SBF2: variants seen among roughly 807,000 people sequenced by gnomAD.
The protein encoded by SBF2 is SET binding factor 2, also known as myotubularin-related protein 13.
In SBF2, 112 loss-of-function variants were observed where a neutral mutation model predicts 225.2. The ratio of observed to expected loss-of-function variants is 0.50; its 90% confidence interval spans 0.43 to 0.58. The LOEUF is 0.58. Among genes scored for constraint, SBF2 ranks in the 20% least tolerant of loss-of-function variants. The probability of loss-of-function intolerance (pLI) is 0.00; values close to 1 mark genes in which losing one functional copy is unlikely to be tolerated. For synonymous variants in SBF2, 763 were observed against 773.3 expected (o/e 0.99, Z 0.22); for missense variants, 1,996 against 2,206.2 (o/e 0.90, Z 1.91).
chr11:9,886,114 A>G (rs888158269), intron 17 of SBF2, among the ~76,000 whole-genome samples: 13 of 152,224 alleles, frequency 8.5e-5, no homozygotes, highest in Non-Finnish European at 1.8e-4. Flanking sequence ...CTACTGTAGA[A>G]TAAATTAGAG....
intron 2 of SBF2, among the ~76,000 whole-genome samples, chr11:10,186,119 A>G (rs13377375): frequency 0.015 from 2,242 of 152,306 alleles, 52 homozygotes; most frequent in African/African-American, 0.049. Context: ...TTAGAAAAAG[A>G]TATTTATATT....
chr11:10,165,328 T>C (rs1272976760), intron 2 of SBF2, among the ~76,000 whole-genome samples: 1 of 152,176 alleles, frequency 6.6e-6, no homozygotes, highest in Non-Finnish European at 1.5e-5. Flanking sequence ...TAATCCAGTG[T>C]GATATGGATT....
intron 16 of SBF2, among the ~76,000 whole-genome samples, chr11:9,900,909 A>T (rs1486792439): frequency 6.6e-6 from 1 of 151,724 alleles, no homozygotes; most frequent in African/African-American, 2.4e-5. Flanking sequence ...GCTAATTTTT[A>T]ATTTTTTTTT....
chr11:9,955,197 G>A (rs1029148432), intron 16 of SBF2, among the ~76,000 whole-genome samples: 1 of 151,892 alleles, frequency 6.6e-6, no homozygotes, highest in African/African-American at 2.4e-5. Flanking sequence ...GGTTTAAAAT[G>A]GAAATCAAAA....
At position 9,858,245 on chromosome 11, in the gene SBF2, G is replaced by A. The variant is rs141368249; in HGVS notation, c.2081C>T (p.Ala694Val). 9.2e-5 allele frequency: 149 copies of A among 1,614,110 alleles called. No individual in the cohort carries two copies. The African/African-American group carries it at 1.7e-3, about 18-fold the overall frequency. ...LYLSAKEDNHAPHLKQKDKLP... is the reference protein window; with the variant it reads ...LYLSAKEDNHVPHLKQKDKLP... ...TCTTACCTTTTGCTTCAGATGCGGGGCATGATTGTCTTCCTTGGCTGAGAG... is the reference window on the plus strand; with the variant it reads ...TCTTACCTTTTGCTTCAGATGCGGGACATGATTGTCTTCCTTGGCTGAGAG... The change falls in exon 18 of 40, where the codon GCC (alanine) becomes GTC (valine). Residue 694 changes from alanine to valine, a missense_variant. Physicochemically the swap from Ala to Val is moderately conservative, Grantham distance 64. Transcript: ENST00000256190.
intron 12 of SBF2, among the ~76,000 whole-genome samples, chr11:9,990,673 G>C (rs1947390346): frequency 6.6e-6 from 1 of 152,068 alleles, no homozygotes; most frequent in Admixed American, 6.5e-5. Context: ...AACACTAAGG[G>C]GTGACTCAGT....
At chr11:9,877,905 T>A (rs183869404) in intron 17 of SBF2, among the ~76,000 whole-genome samples, 1 of 152,234 alleles carries the variant, frequency 6.6e-6, no homozygotes, top group Admixed American at 6.5e-5. Context: ...CCTTTGGGTA[T>A]ATACCCAGTA....
intron 2 of SBF2, among the ~76,000 whole-genome samples, chr11:10,165,897 A>G (rs1009960728): frequency 9.9e-5 from 15 of 152,238 alleles, no homozygotes; most frequent in African/African-American, 3.4e-4. Flanking sequence ...CAGTATTTTC[A>G]ATTATAGTAA....
intron 2 of SBF2, among the ~76,000 whole-genome samples, chr11:10,187,034 T>A (rs1257691064): frequency 6.6e-6 from 1 of 152,176 alleles, no homozygotes; most frequent in Admixed American, 6.5e-5. Flanking sequence ...TAAGCACACA[T>A]CTAGGGTTTA....
At chr11:10,142,758 T>C (rs1286909402) in intron 2 of SBF2, among the ~76,000 whole-genome samples, 1 of 152,216 alleles carries the variant, frequency 6.6e-6, no homozygotes, top group Non-Finnish European at 1.5e-5. Context: ...CCACTGATAC[T>C]TAGCACTTCC....
intron 2 of SBF2, among the ~76,000 whole-genome samples, chr11:10,118,815 G>A (rs1953290748): frequency 1.3e-5 from 2 of 150,392 alleles, no homozygotes; most frequent in South Asian, 4.2e-4. Context: ...TTTTTAAATG[G>A]TATACACCCT....
intron 30 of SBF2, chr11:9,809,383 A>AGG (rs1854041155): frequency 5.5e-6 from 1 of 181,704 alleles, no homozygotes; most frequent in Non-Finnish European, 1.2e-5. Flanking sequence ...ATGAAATAAA[A>AGG]TTACCTTACA....
At chr11:10,117,262 G>A (rs1346733415) in intron 2 of SBF2, among the ~76,000 whole-genome samples, 1 of 151,902 alleles carries the variant, frequency 6.6e-6, no homozygotes, top group African/African-American at 2.4e-5. Flanking sequence ...CCAACATGGA[G>A]AAACCCCGTG....
At chr11:10,056,284 G>A (rs73410875) in intron 2 of SBF2, among the ~76,000 whole-genome samples, 2,712 of 152,190 alleles carry the variant, frequency 0.018, 56 homozygotes, top group African/African-American at 0.049. Flanking sequence ...GAAGAATGTC[G>A]TTGGTAGTTT....
intron 16 of SBF2, among the ~76,000 whole-genome samples, chr11:9,900,109 A>C (rs144399177): frequency 7.3e-5 from 11 of 151,698 alleles, no homozygotes; most frequent in African/African-American, 2.7e-4. Flanking sequence ...TTCGGTATAC[A>C]GCATTTGTAA....
intron 16 of SBF2, among the ~76,000 whole-genome samples, chr11:9,930,665 C>G (rs1590499481): frequency 1.3e-5 from 2 of 152,310 alleles, no homozygotes; most frequent in Middle Eastern, 3.4e-3. Flanking sequence ...CTCTGGTCTG[C>G]AGCTCCCAGC....
At position 9,853,950 on chromosome 11, in the gene SBF2, C is replaced by G. The variant is rs148059457; in HGVS notation, c.2364-238G>C. On this transcript the variant is annotated intron_variant, in intron 19 of 39. Transcript: ENST00000256190. ...TTTCTGTAAGGAAATTTGTTTGGACCCAGATTTGTTTCTGTAAGGAATACC... is the reference window on the plus strand; with the variant it reads ...TTTCTGTAAGGAAATTTGTTTGGACGCAGATTTGTTTCTGTAAGGAATACC... Among the ~76,000 whole-genome samples, 127 of 152,106 alleles carry G rather than the reference C, an allele frequency of 8.3e-4. 1 individual carries two copies. Among genetic ancestry groups the G allele is most frequent in the African/African-American group, 3.0e-3 (125 of 41,486 alleles).
chr11:9,851,550 T>C lies in SBF2; in HGVS notation c.2610+1126A>G, dbSNP rs80069840. The stretch of plus-strand genomic sequence containing the variant: ...ATATAATACATTCCTCTGAAGAGTT[T>C]AGGGCTAGGAAAAAAAAATCTCTCC... On this transcript the variant is annotated intron_variant, in intron 21 of 39. Transcript: ENST00000256190. Among the ~76,000 whole-genome samples, 1,263 of 152,180 alleles carry C rather than the reference T, an allele frequency of 8.3e-3. 16 individuals carry two copies. Among genetic ancestry groups the C allele is most frequent in the African/African-American group, 0.028 (1,178 of 41,464 alleles).
chr11:10,169,724 G>A (rs991783150), intron 2 of SBF2, among the ~76,000 whole-genome samples: 3 of 152,102 alleles, frequency 2.0e-5, no homozygotes, highest in East Asian at 3.8e-4. Context: ...TCATATGGTA[G>A]CTCTATTTTC....
Sources: allele counts gnomAD v4.1 joint callset (sites outside exome capture counted in the v4.1 genomes callset), GRCh38; gene constraint gnomAD v4.1.1; transcripts MANE v1.5; gene names NCBI Gene and HGNC (gene_info 2026-07-23, HGNC 2026-07-21).